The following LRRK1 variants were observed in gnomAD, a reference collection of about 807,000 sequenced individuals.
The protein encoded by LRRK1 is leucine-rich repeat serine/threonine-protein kinase 1.
LRRK1 carries 113 observed loss-of-function variants against 209.1 expected under a neutral mutation model. That is an observed-to-expected ratio of 0.54 (90% CI 0.46 to 0.63). LRRK1 has a LOEUF of 0.63. Among genes scored for constraint, LRRK1 ranks in the 30% least tolerant of loss-of-function variants. The probability of loss-of-function intolerance (pLI) is 0.00; values close to 1 mark genes in which losing one functional copy is unlikely to be tolerated. For synonymous variants in LRRK1, 1,144 were observed against 1,099.7 expected (o/e 1.04, Z -0.80); for missense variants, 2,284 against 2,632.2 (o/e 0.87, Z 2.89).
At chr15:101,048,063 A>G (rs2035185447) in intron 21 of LRRK1, among the ~76,000 whole-genome samples, 2 of 152,016 alleles carry the variant, frequency 1.3e-5, no homozygotes, top group South Asian at 4.2e-4. Context: ...GAAATCCAAT[A>G]TGGCTTCAGC....
chr15:101,052,881 AGGGCGGGGGGGATGTGGCTGAT>A lies in LRRK1; in HGVS notation c.3690-39_3690-18del. On this transcript the variant is annotated intron_variant, in intron 24 of 33. Transcript: ENST00000388948. Reference sequence around the variant, plus strand: ...ACCCAGCCCAGGACCCACCCGCATCAGGGCGGGGGGGATGTGGCTGATGCCGGGCGTGTGTGGCAGGCTCTTC... The same window carrying A: ...ACCCAGCCCAGGACCCACCCGCATCAGCCGGGCGTGTGTGGCAGGCTCTTC... 6.3e-7 allele frequency: 1 copy of A among 1,585,280 alleles called. No individual in the cohort carries two copies. The highest frequency in any genetic ancestry group is 8.6e-7 in the Non-Finnish European group (1 of 1,159,676).
intron 12 of LRRK1, among the ~76,000 whole-genome samples, chr15:101,016,051 G>A (rs537115472): frequency 5.5e-4 from 83 of 150,760 alleles, no homozygotes; most frequent in Middle Eastern, 6.8e-3. Flanking sequence ...GTGCAGTGGC[G>A]CGATCTTGGC....
Position 101,011,994 on chromosome 15 carries a change from C to G in LRRK1, c.1282-14C>G. On this transcript the variant is annotated splice_polypyrimidine_tract_variant and intron_variant, in intron 9 of 33. Coordinates refer to ENST00000388948, the MANE Select transcript of LRRK1 (RefSeq NM_024652.6). ...CTAACTAATATACATTTTTTTTTCT[C>G]GTCAATCTCTTAGAAATGTTGTAAA... The G allele has an allele frequency of 6.4e-7, 1 of 1,569,794 alleles. No individual in the cohort carries two copies. Among genetic ancestry groups the G allele is most frequent in the Non-Finnish European group, 8.6e-7 (1 of 1,160,942 alleles).
At chr15:100,941,358 G>GTGTGTGCCTGTCTC (rs2042413517) in intron 2 of LRRK1, among the ~76,000 whole-genome samples, 1 of 141,988 alleles carries the variant, frequency 7.0e-6, no homozygotes, top group Non-Finnish European at 1.5e-5. Context: ...TTGTGTGTGT[G>GTGTGTGCCTGTCTC]TGTGTGTGCC....
intron 28 of LRRK1, 77 bp from the exon 29 acceptor site, chr15:101,057,913 G>C (rs1269005454): frequency 1.3e-6 from 2 of 1,498,110 alleles, no homozygotes; most frequent in Non-Finnish European, 1.8e-6. Context: ...GTTGGGGCTG[G>C]CTGATCTCAT....
At chr15:101,067,420 A>AGT (rs2036593057) in intron 33 of LRRK1, 2 of 347,038 alleles carry the variant, frequency 5.8e-6, no homozygotes, top group South Asian at 2.0e-5. Flanking sequence ...CCTCAGTTCA[A>AGT]ATGTGTGTGT....
At chr15:100,994,860 C>T (rs534615111) in intron 6 of LRRK1, among the ~76,000 whole-genome samples, 2 of 152,268 alleles carry the variant, frequency 1.3e-5, no homozygotes, top group East Asian at 3.9e-4. Flanking sequence ...GGGGTCCGGG[C>T]AGAGGGTTCC....
chr15:101,071,453 G>GA lies in LRRK1; in HGVS notation c.*2606dup, dbSNP rs1178139972. On this transcript the variant is annotated 3_prime_UTR_variant, in exon 34 of 34. Transcript: ENST00000388948. ...TGCCCAGGCTGGAGTGCAATGGCGC[G>GA]ATCTCAGCTCACTGCCACCTCCGCC... The GA allele has an allele frequency of 6.6e-6, 1 of 152,278 alleles. No homozygotes were observed. Among genetic ancestry groups the GA allele is most frequent in the Non-Finnish European group, 1.5e-5 (1 of 68,158 alleles). 9.4% of individuals were successfully genotyped at this position (152,278 alleles called of 1,614,324 possible).
At chr15:101,017,606 C>G (rs1351006624) in intron 12 of LRRK1, among the ~76,000 whole-genome samples, 1 of 152,040 alleles carries the variant, frequency 6.6e-6, no homozygotes, top group Non-Finnish European at 1.5e-5. Context: ...TTGTGAACCG[C>G]GTCTGTGAGG....
At chr15:101,017,587 C>T (rs552942612) in intron 12 of LRRK1, among the ~76,000 whole-genome samples, 1 of 152,060 alleles carries the variant, frequency 6.6e-6, no homozygotes, top group Admixed American at 6.6e-5. Flanking sequence ...CATAGGAGCG[C>T]GAACCCTATT....
chr15:101,027,447 C>T lies in LRRK1; in HGVS notation c.2526+66C>T. On this transcript the variant is annotated intron_variant, in intron 18 of 33. Coordinates refer to ENST00000388948, the MANE Select transcript of LRRK1 (RefSeq NM_024652.6). The surrounding 1 kb of genome is among the most constrained non-coding windows in gnomAD (Gnocchi z 5.1). ...TTCCCATTGTTGGGGGTCCTCACTTCCCCCTCTCTCCTGTGAAGCCCATGT... is the reference window on the plus strand; with the variant it reads ...TTCCCATTGTTGGGGGTCCTCACTTTCCCCTCTCTCCTGTGAAGCCCATGT... 1 of 1,576,820 alleles carries T rather than the reference C, an allele frequency of 6.3e-7. No homozygotes were observed. Among genetic ancestry groups the T allele is most frequent in the Non-Finnish European group, 8.6e-7 (1 of 1,161,312 alleles).
chr15:100,970,191 C>T (rs543369929), intron 2 of LRRK1, among the ~76,000 whole-genome samples: 15 of 152,226 alleles, frequency 9.9e-5, no homozygotes, highest in African/African-American at 3.1e-4. Flanking sequence ...CATGAGCCAC[C>T]GCACCCAGCC....
At chr15:101,038,368 A>C (rs2034583539) in intron 20 of LRRK1, among the ~76,000 whole-genome samples, 1 of 152,198 alleles carries the variant, frequency 6.6e-6, no homozygotes, top group South Asian at 2.1e-4. Context: ...GCCCTATTGA[A>C]ATTAAAAATT....
chr15:101,047,416 G>C (rs377252667), intron 21 of LRRK1, among the ~76,000 whole-genome samples: 1 of 152,192 alleles, frequency 6.6e-6, no homozygotes, highest in African/African-American at 2.4e-5. Context: ...TCTGTGTGCC[G>C]CTGTCTTCTC....
In LRRK1 at chr15:100,989,298, G is replaced by C. The variant is rs1428019785; in HGVS notation, c.662G>C (p.Cys221Ser). 1.2e-6 allele frequency: 2 copies of C among 1,614,142 alleles called. No homozygotes were observed. Among genetic ancestry groups the C allele is most frequent in the Non-Finnish European group, 1.7e-6 (2 of 1,179,996 alleles). The change falls in exon 6 of 34, where the codon TGT (cysteine) becomes TCT (serine). Residue 221 changes from cysteine (C) to serine (S), a missense_variant. This residue lies in a region of LRRK1 where 134 missense variants were observed against 191.7 expected (regional missense o/e 0.70). Coordinates refer to ENST00000388948, the MANE Select transcript of LRRK1 (RefSeq NM_024652.6). ...CTGCTTCGGCATGGGGCCTATTTCT[G>C]TTCCTACATCTTGCTGGATAGTCCT... ...IFLLRHGAYFCSYILLDSPDP... is the reference protein window; with the variant it reads ...IFLLRHGAYFSSYILLDSPDP...
intron 7 of LRRK1, 141 bp downstream of exon 7, chr15:101,009,204 G>A (rs1030590673): frequency 1.5e-6 from 1 of 667,002 alleles, no homozygotes; most frequent in Non-Finnish European, 2.6e-6. Flanking sequence ...TGCCTACCCT[G>A]AGGCAAGCCT....
chr15:101,022,652 C>T lies in LRRK1; in HGVS notation c.2067+55C>T. On this transcript the variant is annotated intron_variant, in intron 15 of 33. Transcript: ENST00000388948. This position sits in a 1 kb window ranked among gnomAD's most constrained non-coding sequence, Gnocchi z 4.0. ...GTGGGTGGGAGGAACATCCCTTGGA[C>T]TCCTTCTCCCTTCTCCCCAGAGAGC... The T allele has an allele frequency of 8.0e-7, 1 of 1,247,206 alleles. No individual in the cohort carries two copies. Among genetic ancestry groups the T allele is most frequent in the South Asian group, 1.3e-5 (1 of 74,118 alleles). 77.3% of individuals were successfully genotyped at this position (1,247,206 alleles called of 1,614,324 possible).
At chr15:100,982,062 G>A (rs375590705) in intron 3 of LRRK1, among the ~76,000 whole-genome samples, 4 of 149,506 alleles carry the variant, frequency 2.7e-5, no homozygotes, top group East Asian at 2.0e-4. Context: ...GGGGGCACTC[G>A]CCATCCCTGG....
At chr15:100,957,798 G>T (rs2042794844) in intron 2 of LRRK1, among the ~76,000 whole-genome samples, 1 of 152,230 alleles carries the variant, frequency 6.6e-6, no homozygotes, top group African/African-American at 2.4e-5. Flanking sequence ...TATATTTAAA[G>T]TAGTTACTGA....
Sources: gnomAD v4.1 joint callset for allele counts (sites outside exome capture counted in the v4.1 genomes callset) on GRCh38, gnomAD v4.1.1 for gene constraint, gnomAD v4.1.1 regional missense constraint, Gnocchi (gnomAD v3.1) non-coding constraint, MANE v1.5 for transcripts, NCBI Gene and HGNC (gene_info 2026-07-23, HGNC 2026-07-21) for gene names.